The following KCND2 variants were observed in gnomAD, a reference collection of about 807,000 sequenced individuals.
The protein encoded by KCND2 is potassium voltage-gated channel subfamily D member 2.
Under a neutral mutation model 54.4 loss-of-function variants are expected in KCND2, and 16 were observed. That is an observed-to-expected ratio of 0.29 (90% confidence interval 0.20 to 0.45). The LOEUF (loss-of-function observed/expected upper bound fraction) is 0.45. KCND2 is among the 20% of genes least tolerant of loss of function. The pLI is 1.00. For missense variants in KCND2, 486 were observed against 824.2 expected (o/e 0.59, Z 5.02); for synonymous variants, 317 against 310.7 (o/e 1.02, Z -0.21).
At chr7:120,331,512 A>G (rs1487381186) in intron 1 of KCND2, among the ~76,000 whole-genome samples, 1 of 151,896 alleles carries the variant, frequency 6.6e-6, no homozygotes, top group Non-Finnish European at 1.5e-5. Context: ...ACAAAGAGTG[A>G]GAGAGAGAGA....
chr7:120,588,511 A>G (rs916726566), intron 1 of KCND2, among the ~76,000 whole-genome samples: 2 of 151,718 alleles, frequency 1.3e-5, no homozygotes, highest in South Asian at 4.2e-4. Context: ...TGAACCCATA[A>G]TCTTGAAATA....
chr7:120,310,129 TGA>T (rs1163785277), intron 1 of KCND2, among the ~76,000 whole-genome samples: 1 of 152,144 alleles, frequency 6.6e-6, no homozygotes, highest in Non-Finnish European at 1.5e-5. Flanking sequence ...ACTGTACTCC[TGA>T]GAGAGGGGAT....
At chr7:120,518,596 G>A (rs565777147) in intron 1 of KCND2, among the ~76,000 whole-genome samples, 4 of 152,200 alleles carry the variant, frequency 2.6e-5, no homozygotes, top group Non-Finnish European at 4.4e-5. Context: ...TTATAAACAC[G>A]TTGATATGAA....
At chr7:120,740,954 T>C in intron 2 of KCND2, 1 of 452,560 alleles carries the variant, frequency 2.2e-6, no homozygotes, top group Non-Finnish European at 4.4e-6. Flanking sequence ...GTCCATGTTG[T>C]TTGGCATGGG....
intron 1 of KCND2, among the ~76,000 whole-genome samples, chr7:120,306,978 A>G (rs186015481): frequency 5.9e-5 from 9 of 152,194 alleles, no homozygotes; most frequent in Admixed American, 1.3e-4. Context: ...TGCATTTTAA[A>G]TTGTAAAAAA....
chr7:120,368,254 T>G (rs1427040062), intron 1 of KCND2, among the ~76,000 whole-genome samples: 1 of 152,106 alleles, frequency 6.6e-6, no homozygotes, highest in African/African-American at 2.4e-5. Flanking sequence ...ATAATTTTTC[T>G]TCTTAGTGGT....
chr7:120,508,546 G>A (rs1309288171), intron 1 of KCND2, among the ~76,000 whole-genome samples: 3 of 151,920 alleles, frequency 2.0e-5, no homozygotes, highest in African/African-American at 4.8e-5. Flanking sequence ...GAAATAAAGT[G>A]TTTTAAATAT....
chr7:120,277,877 G>A lies in KCND2; in HGVS notation c.1115+2130G>A, dbSNP rs1230752954. The stretch of plus-strand genomic sequence containing the variant: ...GAGTAAAATCTATGCAGTGGATTTA[G>A]TTCACATGTTTCATAGGTAAGTAAG... On this transcript the variant is annotated intron_variant, in intron 1 of 5. Coordinates refer to ENST00000331113, the MANE Select transcript of KCND2 (RefSeq NM_012281.3). Among the ~76,000 whole-genome samples the A allele has an allele frequency of 2.0e-5, 3 of 152,052 alleles. No individual in the cohort carries two copies. In the East Asian group the frequency reaches 5.8e-4, roughly 29 times the overall value.
At chr7:120,650,995 C>A (rs1455367899) in intron 1 of KCND2, among the ~76,000 whole-genome samples, 6 of 143,098 alleles carry the variant, frequency 4.2e-5, no homozygotes, top group Admixed American at 4.1e-4. Flanking sequence ...CAGAGGGGTA[C>A]CCAACCGTGT....
chr7:120,388,592 T>C (rs1271965077), intron 1 of KCND2, among the ~76,000 whole-genome samples: 2 of 151,860 alleles, frequency 1.3e-5, no homozygotes, highest in Non-Finnish European at 2.9e-5. Flanking sequence ...TCAAATACAG[T>C]TGGAAAACTT....
chr7:120,640,342 AAAAGT>A (rs1793355671), intron 1 of KCND2, among the ~76,000 whole-genome samples: 1 of 152,344 alleles, frequency 6.6e-6, no homozygotes, highest in African/African-American at 2.4e-5. Context: ...CGTTAAGAAG[AAAAGT>A]AAATGTCAAT....
intron 1 of KCND2, among the ~76,000 whole-genome samples, chr7:120,625,790 A>G (rs1340387950): frequency 6.6e-6 from 1 of 152,102 alleles, no homozygotes. Flanking sequence ...CAAAAAGAAC[A>G]ATAATAAGAA....
intron 1 of KCND2, among the ~76,000 whole-genome samples, chr7:120,389,188 G>A (rs1801037130): frequency 6.6e-6 from 1 of 151,826 alleles, no homozygotes; most frequent in Admixed American, 6.6e-5. Flanking sequence ...TAGGCTTACT[G>A]AAGCCAAAAG....
chr7:120,493,917 A>G (rs1584800687), intron 1 of KCND2, among the ~76,000 whole-genome samples: 1 of 152,310 alleles, frequency 6.6e-6, no homozygotes, highest in East Asian at 1.9e-4. Context: ...AAATATTTAC[A>G]TAATGGAATT....
chr7:120,297,291 A>G (rs1799526254), intron 1 of KCND2, among the ~76,000 whole-genome samples: 1 of 152,110 alleles, frequency 6.6e-6, no homozygotes, highest in Non-Finnish European at 1.5e-5. Context: ...GTTCCCACAT[A>G]TAAGTGAGAA....
chr7:120,678,641 C>G (rs1015673799), intron 1 of KCND2, among the ~76,000 whole-genome samples: 1 of 147,094 alleles, frequency 6.8e-6, no homozygotes, highest in Non-Finnish European at 1.5e-5. Flanking sequence ...TCATTACACA[C>G]ACATATATAC....
At position 120,274,529 on chromosome 7, in the gene KCND2, C is replaced by G. The variant is rs1799142178; in HGVS notation, c.-104C>G. On this transcript the variant is annotated 5_prime_UTR_variant, in exon 1 of 6. Coordinates refer to ENST00000331113, the MANE Select transcript of KCND2 (RefSeq NM_012281.3). ...AGAGTTACACCTCTGGACCACGTTT[C>G]TCACTAGTACTTTGCTTGACTGGAG... The G allele has an allele frequency of 7.6e-6, 10 of 1,311,588 alleles. No homozygotes were observed. The South Asian group carries it at 1.1e-4, about 14-fold the overall frequency. The allele number at this position is 1,311,588 out of a possible 1,614,324, so 81.2% of individuals were successfully genotyped here.
At chr7:120,543,137 T>C (rs1488981728) in intron 1 of KCND2, among the ~76,000 whole-genome samples, 1 of 152,064 alleles carries the variant, frequency 6.6e-6, no homozygotes, top group Non-Finnish European at 1.5e-5. Flanking sequence ...CCAAGCAACA[T>C]AACCTCAAAA....
chr7:120,387,927 A>G (rs1270011204), intron 1 of KCND2, among the ~76,000 whole-genome samples: 4 of 152,084 alleles, frequency 2.6e-5, no homozygotes, highest in Non-Finnish European at 2.9e-5. Context: ...ACATAAATTT[A>G]TATAATCAAA....
Sources: allele counts gnomAD v4.1 joint callset (sites outside exome capture counted in the v4.1 genomes callset), GRCh38; gene constraint gnomAD v4.1.1; transcripts MANE v1.5; gene names NCBI Gene and HGNC (gene_info 2026-07-23, HGNC 2026-07-21).